SCAPER: variants seen among roughly 807,000 people sequenced by gnomAD.
SCAPER encodes S-phase cyclin A associated protein in the ER, also known as S phase cyclin A-associated protein in the endoplasmic reticulum.
Under a neutral mutation model 182.2 loss-of-function variants are expected in SCAPER, and 98 were observed. The ratio of observed to expected loss-of-function variants is 0.54; its 90% CI spans 0.46 to 0.64. SCAPER has a LOEUF of 0.64. Ranked by LOEUF, SCAPER falls within the 30% of genes least tolerant of loss-of-function variation. SCAPER has a pLI of 0.00. For missense variants in SCAPER, 1,432 were observed against 1,690.0 expected (o/e 0.85, Z 2.68); for synonymous variants, 605 against 564.6 (o/e 1.07, Z -1.01).
At chr15:76,603,300 C>A (rs2050070580) in intron 22 of SCAPER, among the ~76,000 whole-genome samples, 1 of 117,864 alleles carries the variant, frequency 8.5e-6, no homozygotes, top group Non-Finnish European at 2.1e-5. Context: ...TTTGTCCTTG[C>A]GATAGTTTGC....
At chr15:76,607,565 C>T (rs2050551749) in intron 22 of SCAPER, among the ~76,000 whole-genome samples, 1 of 152,116 alleles carries the variant, frequency 6.6e-6, no homozygotes, top group Non-Finnish European at 1.5e-5. Flanking sequence ...TGGTGGCCTG[C>T]CTTGCTAGAT....
chr15:76,367,400 C>T (rs760505029), intron 29 of SCAPER, among the ~76,000 whole-genome samples: 6 of 152,210 alleles, frequency 3.9e-5, no homozygotes, highest in Admixed American at 3.3e-4. Flanking sequence ...CCCTCCATGG[C>T]TGAAGACCAA....
At chr15:76,772,689 A>C (rs1043187845) in intron 9 of SCAPER, among the ~76,000 whole-genome samples, 4 of 152,004 alleles carry the variant, frequency 2.6e-5, no homozygotes, top group Non-Finnish European at 5.9e-5. Context: ...TATAAAAAGC[A>C]AACAGTGGCT....
intron 23 of SCAPER, among the ~76,000 whole-genome samples, chr15:76,559,733 T>C (rs1256760703): frequency 6.6e-6 from 1 of 152,182 alleles, no homozygotes; most frequent in African/African-American, 2.4e-5. Context: ...TACCAAGGCC[T>C]ACCTGAGGGT....
intron 5 of SCAPER, among the ~76,000 whole-genome samples, chr15:76,830,674 T>G (rs2068387925): frequency 6.6e-6 from 1 of 151,310 alleles, no homozygotes; most frequent in Non-Finnish European, 1.5e-5. Flanking sequence ...CACATCAGGT[T>G]TGAGGTGGGA....
At chr15:76,539,850 T>C (rs1399970332) in intron 23 of SCAPER, among the ~76,000 whole-genome samples, 1 of 152,030 alleles carries the variant, frequency 6.6e-6, no homozygotes, top group Non-Finnish European at 1.5e-5. Context: ...TGGCCTAAAA[T>C]CAAAATTTCA....
intron 26 of SCAPER, among the ~76,000 whole-genome samples, chr15:76,413,439 T>A (rs1382543721): frequency 6.6e-6 from 1 of 152,220 alleles, no homozygotes; most frequent in Admixed American, 6.5e-5. Flanking sequence ...ACTAAGATGA[T>A]CTTAGTTTCC....
At chr15:76,423,253 CTT>C (rs959873700) in intron 26 of SCAPER, among the ~76,000 whole-genome samples, 4 of 152,028 alleles carry the variant, frequency 2.6e-5, no homozygotes, top group African/African-American at 9.7e-5. Context: ...TGGTCCTGGA[CTT>C]TTTTTGGTTC....
At chr15:76,724,562 C>A (rs1211079270) in intron 17 of SCAPER, among the ~76,000 whole-genome samples, 1 of 152,138 alleles carries the variant, frequency 6.6e-6, no homozygotes, top group African/African-American at 2.4e-5. Context: ...TTCAGGTACA[C>A]CAATGAGACG....
intron 25 of SCAPER, among the ~76,000 whole-genome samples, chr15:76,465,554 T>C (rs557227975): frequency 6.6e-6 from 1 of 152,314 alleles, no homozygotes; most frequent in East Asian, 1.9e-4. Flanking sequence ...GTGACTCTGA[T>C]GCGGAAGCTT....
At chr15:76,630,384 T>A (rs2052996971) in intron 21 of SCAPER, among the ~76,000 whole-genome samples, 1 of 152,204 alleles carries the variant, frequency 6.6e-6, no homozygotes, top group Non-Finnish European at 1.5e-5. Flanking sequence ...CTTTTAGTTG[T>A]AATGTTAAGG....
intron 11 of SCAPER, 59 bp downstream of exon 11, chr15:76,766,859 A>G: frequency 7.0e-7 from 1 of 1,424,266 alleles, no homozygotes; most frequent in Admixed American, 2.4e-5. Flanking sequence ...TCTGGCCCAG[A>G]TAATTTTGTT....
intron 24 of SCAPER, among the ~76,000 whole-genome samples, chr15:76,499,865 C>G (rs1312641860): frequency 6.6e-6 from 1 of 152,014 alleles, no homozygotes; most frequent in African/African-American, 2.4e-5. Flanking sequence ...AACAGAAATG[C>G]CCAATAAAAT....
rs1281566641 is a variant in SCAPER at position 76,602,913 on chromosome 15, CT to C, written c.2711+18850del. On this transcript the variant is annotated intron_variant, in intron 22 of 31. Transcript: ENST00000563290. ...ACCATGTTTTCAAATTCTGGCATTT[CT>C]TTTTTTTTTTTTTAATTTGAGCTCA... 9.5e-3 allele frequency among the ~76,000 whole-genome samples: 486 copies of C among 50,926 alleles called. 22 individuals carry two copies. Among genetic ancestry groups the C allele is most frequent in the Middle Eastern group, 0.026 (1 of 38 alleles). 33.4% of individuals were successfully genotyped at this position (50,926 alleles called of 152,430 possible). A position where few individuals can be genotyped will look rare whatever the true frequency, so the allele number is the denominator to read the frequency against.
intron 22 of SCAPER, among the ~76,000 whole-genome samples, chr15:76,604,583 G>GAAA (rs1430592889): frequency 2.2e-5 from 3 of 134,592 alleles, no homozygotes; most frequent in Non-Finnish European, 5.1e-5. Flanking sequence ...GTAGCTTGAT[G>GAAA]GGGATGGCAT....
chr15:76,741,982 A>C (rs2061562762), intron 15 of SCAPER, among the ~76,000 whole-genome samples: 1 of 152,138 alleles, frequency 6.6e-6, no homozygotes, highest in African/African-American at 2.4e-5. Flanking sequence ...AAGAAGAGTA[A>C]GTGAAGTGAA....
rs756595357 is a variant in SCAPER at position 76,597,170 on chromosome 15, C to CA, written c.2712-22887dup. Among the ~76,000 whole-genome samples the CA allele has an allele frequency of 2.1e-4, 26 of 121,902 alleles. 9 individuals are homozygous for CA. The highest frequency in any genetic ancestry group is 4.8e-4 in the Non-Finnish European group (24 of 50,136). 80.0% of individuals were successfully genotyped at this position (121,902 alleles called of 152,430 possible). On this transcript the variant is annotated intron_variant, in intron 22 of 31. Coordinates refer to ENST00000563290, the MANE Select transcript of SCAPER (RefSeq NM_020843.4). ...AGCATTCCTATACACCAATAATGGA[C>CA]AGAGAGTCAAATCATGAGTGAACTC...
chr15:76,666,941 C>T (rs534248746), intron 20 of SCAPER, among the ~76,000 whole-genome samples: 2 of 152,262 alleles, frequency 1.3e-5, no homozygotes, highest in East Asian at 1.9e-4. Context: ...TTCCTTGTCT[C>T]GCATTTTTAT....
intron 25 of SCAPER, among the ~76,000 whole-genome samples, chr15:76,448,048 G>A (rs2048118931): frequency 1.3e-5 from 2 of 152,138 alleles, no homozygotes; most frequent in African/African-American, 2.4e-5. Flanking sequence ...GAGTATGTGT[G>A]TTCAGGAAGC....
Sources: gnomAD v4.1 joint callset for allele counts (sites outside exome capture counted in the v4.1 genomes callset) on GRCh38, gnomAD v4.1.1 for gene constraint, MANE v1.5 for transcripts, NCBI Gene and HGNC (gene_info 2026-07-23, HGNC 2026-07-21) for gene names.